ERFE: variants seen among roughly 807,000 people sequenced by gnomAD.
ERFE encodes erythroferrone, also known as complement C1q tumor necrosis factor-related protein 15.
ERFE carries 25 observed loss-of-function variants against 26.6 expected under a neutral mutation model. The observed-to-expected ratio is 0.94, with a 90% CI of 0.69 to 1.31. The LOEUF is 1.31. Among genes scored for constraint, ERFE ranks in the 40% most tolerant of loss-of-function variants. The pLI, the probability that ERFE is intolerant of heterozygous loss-of-function variation, is 0.00. For synonymous variants in ERFE, 206 were observed against 204.5 expected (o/e 1.01, Z -0.06); for missense variants, 447 against 440.2 (o/e 1.02, Z -0.14).
rs759947194 is a variant in ERFE, at chr2:238,164,101, C to G, written c.714C>G (p.Arg238=). Residue 238 remains arginine (R), a synonymous_variant, in exon 5 of 8, where the codon CGC becomes CGG. Transcript: ENST00000546354. The stretch of plus-strand genomic sequence containing the variant: ...CCGACGCCGAGGGTGCCTTCCGCCG[C>G]GGCCCGGGCCTGAACTTGACCAGCG... ...YLPDAEGAFR[R]GPGLNLTSGQ... is the part of the protein sequence containing the mutation. The G allele has an allele frequency of 2.8e-6, 4 of 1,433,068 alleles. No individual in the cohort carries two copies. Among genetic ancestry groups the G allele is most frequent in the Middle Eastern group, 2.0e-4 (1 of 5,054 alleles). 88.8% of individuals were successfully genotyped at this position (1,433,068 alleles called of 1,614,324 possible). A position where few individuals can be genotyped will look rare whatever the true frequency, so the allele number is the denominator to read the frequency against.
Position 238,168,569 on chromosome 2 carries a change from T to A in ERFE, c.*1515T>A. 1 of 419,986 alleles carries A rather than the reference T, an allele frequency of 2.4e-6. No individual in the cohort carries two copies. Among genetic ancestry groups the A allele is most frequent in the Non-Finnish European group, 4.9e-6 (1 of 202,574 alleles). The allele number at this position is 419,986 out of a possible 1,614,324, so 26.0% of individuals were successfully genotyped here. On this transcript the variant is annotated 3_prime_UTR_variant, in exon 8 of 8. Transcript: ENST00000546354. ...AAACCCCAACATCGAATCAAACATC[T>A]CCATCCCCAAGTGCAGTAACACACA...
Position 238,163,783 on chromosome 2 carries a change from T to G in ERFE, c.471T>G (p.Cys157Trp), listed in dbSNP as rs938657091. Reference sequence around the variant, plus strand: ...GCGCGGAGCCCGAACCCTGTACGTGTGGCCCCGCCGGGCCGGTCGCTGCGA... The same window carrying G: ...GCGCGGAGCCCGAACCCTGTACGTGGGGCCCCGCCGGGCCGGTCGCTGCGA... ...RERAEPEPCT[C>W]GPAGPVAASL... The change falls in exon 4 of 8, where the codon TGT (cysteine) becomes TGG (tryptophan). Residue 157 changes from cysteine to tryptophan, a missense_variant. Coordinates refer to ENST00000546354, the MANE Select transcript of ERFE (RefSeq NM_001291832.2). 1.5e-6 allele frequency: 2 copies of G among 1,359,026 alleles called. No homozygotes were observed. The highest frequency in any genetic ancestry group is 2.3e-4 in the Middle Eastern group (1 of 4,380). The allele number at this position is 1,359,026 out of a possible 1,614,324, so 84.2% of individuals were successfully genotyped here. A position where few individuals can be genotyped will look rare whatever the true frequency, so the allele number is the denominator to read the frequency against.
intron 3 of ERFE, chr2:238,163,533 C>T: frequency 5.1e-6 from 3 of 589,498 alleles, no homozygotes; most frequent in Non-Finnish European, 7.4e-6. Flanking sequence ...GCCCGAGCTT[C>T]CCAAATCTTG....
rs1693080416 is a variant in ERFE at position 238,168,276 on chromosome 2, G to A, written c.*1222G>A. On this transcript the variant is annotated 3_prime_UTR_variant, in exon 8 of 8. Coordinates refer to ENST00000546354, the MANE Select transcript of ERFE (RefSeq NM_001291832.2). ...TTCCCCAAAGTACAGGACTGTCCCA[G>A]AGTAGGTAGTGAAGAGGACAAGGCC... 4.9e-6 allele frequency: 2 copies of A among 407,618 alleles called. No individual in the cohort carries two copies. The highest frequency in any genetic ancestry group is 1.4e-4 in the East Asian group (2 of 13,992). 25.3% of individuals were successfully genotyped at this position (407,618 alleles called of 1,614,324 possible). A position where few individuals can be genotyped will look rare whatever the true frequency, so the allele number is the denominator to read the frequency against.
Position 238,167,319 on chromosome 2 carries a change from G to T in ERFE, c.*265G>T, listed in dbSNP as rs1303411004. 1.5e-6 allele frequency: 1 copy of T among 677,768 alleles called. No individual in the cohort carries two copies. Among genetic ancestry groups the T allele is most frequent in the Non-Finnish European group, 2.7e-6 (1 of 369,198 alleles). The allele number at this position is 677,768 out of a possible 1,614,324, so 42.0% of individuals were successfully genotyped here. A position where few individuals can be genotyped will look rare whatever the true frequency, so the allele number is the denominator to read the frequency against. On this transcript the variant is annotated 3_prime_UTR_variant, in exon 8 of 8. Transcript: ENST00000546354. Reference sequence around the variant, plus strand: ...AAAGAAAGAGTCGGCGTGCCTGGGGGCACCTGCTAGTCTCCAGCTGCAGGC... The same window carrying T: ...AAAGAAAGAGTCGGCGTGCCTGGGGTCACCTGCTAGTCTCCAGCTGCAGGC...
rs1693068339 is a variant in ERFE, at chr2:238,167,732, A to G, written c.*678A>G. 6.5e-6 allele frequency: 2 copies of G among 309,586 alleles called. No individual in the cohort carries two copies. Among genetic ancestry groups the G allele is most frequent in the African/African-American group, 2.2e-5 (1 of 46,136 alleles). 19.2% of individuals were successfully genotyped at this position (309,586 alleles called of 1,614,324 possible). On this transcript the variant is annotated 3_prime_UTR_variant, in exon 8 of 8. Coordinates refer to ENST00000546354, the MANE Select transcript of ERFE (RefSeq NM_001291832.2). ...CCCAGCTTCTAGTTCTAATGTGTGC[A>G]AGATTAACTCACAAATTCACCTCAG...
chr2:238,161,846 CAG>C, intron 2 of ERFE, 130 bp downstream of exon 2: 1 of 1,294,342 alleles, frequency 7.7e-7, no homozygotes, highest in Non-Finnish European at 1.0e-6. Context: ...GGACAGAGAA[CAG>C]AGAGAACCCA....
intron 2 of ERFE, among the ~76,000 whole-genome samples, chr2:238,162,236 C>G (rs537105945): frequency 6.6e-6 from 1 of 152,356 alleles, no homozygotes; most frequent in East Asian, 1.9e-4. Flanking sequence ...AAGGCCAGCT[C>G]GGAGTGCATG....
chr2:238,164,103 G>C lies in ERFE; in HGVS notation c.716G>C (p.Gly239Ala). 1 of 1,437,548 alleles carries C rather than the reference G, an allele frequency of 7.0e-7. No homozygotes were observed. Among genetic ancestry groups the C allele is most frequent in the Non-Finnish European group, 9.1e-7 (1 of 1,098,562 alleles). The allele number at this position is 1,437,548 out of a possible 1,614,324, so 89.0% of individuals were successfully genotyped here. The change falls in exon 5 of 8, where the codon GGC becomes GCC. Residue 239 changes from glycine (G) to alanine (A), a missense_variant. By Grantham distance (60) the Gly-to-Ala change is moderately conservative. Transcript: ENST00000546354. ...GACGCCGAGGGTGCCTTCCGCCGCG[G>C]CCCGGGCCTGAACTTGACCAGCGGC... Reference protein sequence around the residue: ...LPDAEGAFRRGPGLNLTSGQY... With the variant: ...LPDAEGAFRRAPGLNLTSGQY...
intron 1 of ERFE, among the ~76,000 whole-genome samples, chr2:238,160,159 G>A (rs1692916347): frequency 6.6e-6 from 1 of 152,206 alleles, no homozygotes; most frequent in South Asian, 2.1e-4. Context: ...TGGAGTTTTG[G>A]CCTTGGACCC....
Position 238,166,974 on chromosome 2 carries a change from G to A in ERFE, c.985G>A (p.Val329Met), listed in dbSNP as rs770547903. The change falls in exon 8 of 8, where the codon GTG becomes ATG. Residue 329 changes from valine (V) to methionine (M), a missense_variant. Val to Met is a conservative substitution (Grantham distance 21). Coordinates refer to ENST00000546354, the MANE Select transcript of ERFE (RefSeq NM_001291832.2). ...LYLQMGQWTS[V>M]FLDNASGCSL... ...CTTGCAGATGGGGCAGTGGACCTCC[G>A]TGTTCTTGGACAACGCCAGCGGCTG... 36 of 1,550,406 alleles carry A rather than the reference G, an allele frequency of 2.3e-5. 1 individual carries two copies. The Middle Eastern group carries it at 1.2e-3, about 50-fold the overall frequency.
intron 2 of ERFE, among the ~76,000 whole-genome samples, chr2:238,162,357 G>A (rs1193751483): frequency 7.2e-5 from 11 of 152,330 alleles, no homozygotes; most frequent in East Asian, 1.9e-4. Flanking sequence ...CTTCTGGTTC[G>A]GGTCCCAACC....
At chr2:238,161,569 C>A (rs1200895686) in intron 1 of ERFE, 25 bp from the exon 2 acceptor site, 2 of 1,511,008 alleles carry the variant, frequency 1.3e-6, no homozygotes, top group South Asian at 1.2e-5. Flanking sequence ...AGGCCAACCG[C>A]CCTGCTGGGC....
At position 238,161,611 on chromosome 2, in the gene ERFE, T is replaced by C; in HGVS notation, c.216T>C (p.Arg72=). 6 of 1,542,538 alleles carry C rather than the reference T, an allele frequency of 3.9e-6. No homozygotes were observed. The highest frequency in any genetic ancestry group is 5.3e-6 in the Non-Finnish European group (6 of 1,140,738). The stretch of plus-strand genomic sequence containing the variant: ...TGTTCCAGGAGCCCACCGCTGAGCG[T>C]GCACACAGCGTCGACCCCCGGGACG... ...AARPPEPTAE[R]AHSVDPRDAW... Residue 72 remains arginine, a synonymous_variant, in exon 2 of 8, where the codon CGT becomes CGC. Transcript: ENST00000546354.
intron 2 of ERFE, among the ~76,000 whole-genome samples, 170 bp from the exon 3 acceptor site, chr2:238,162,566 T>C (rs970742326): frequency 2.6e-5 from 4 of 152,200 alleles, no homozygotes; most frequent in Non-Finnish European, 2.9e-5. Flanking sequence ...TCCAGCACAG[T>C]CCTTGTACTC....
chr2:238,167,564 C>T lies in ERFE; in HGVS notation c.*510C>T, dbSNP rs1276785029. The T allele has an allele frequency of 2.5e-6, 1 of 398,142 alleles. No individual in the cohort carries two copies. Among genetic ancestry groups the T allele is most frequent in the Non-Finnish European group, 5.0e-6 (1 of 198,590 alleles). The allele number at this position is 398,142 out of a possible 1,614,324, so 24.7% of individuals were successfully genotyped here. On this transcript the variant is annotated 3_prime_UTR_variant, in exon 8 of 8. Coordinates refer to ENST00000546354, the MANE Select transcript of ERFE (RefSeq NM_001291832.2). ...TGCTTAGAAGGGACGGGGTCACTCA[C>T]CACTCCCCTGGTCTCCATCTGGGCT...
At chr2:238,159,304 C>G in intron 1 of ERFE, 99 bp downstream of exon 1, 1 of 166,710 alleles carries the variant, frequency 6.0e-6, no homozygotes, top group Non-Finnish European at 1.3e-5. Flanking sequence ...CCCTCACCCC[C>G]GAGGGCTGCT....
In ERFE at chr2:238,164,180, G is replaced by A. The variant is rs1692992166; in HGVS notation, c.793G>A (p.Val265Met). ...CTACGCTCTCGCCGCCACGCTGCAC[G>A]TGGGTGAGGCCCGGGGCGTGGGAGG... is the stretch of plus-strand genomic sequence containing the variant. ...GFYALAATLH[V>M]ALGEPPRRGP... The change falls in exon 5 of 8, where the codon GTG becomes ATG. Residue 265 changes from valine to methionine, a missense_variant. By Grantham distance (21) the Val-to-Met change is conservative (BLOSUM62 1). Transcript: ENST00000546354. 1 of 1,438,018 alleles carries A rather than the reference G, an allele frequency of 7.0e-7. No individual in the cohort carries two copies. Among genetic ancestry groups the A allele is most frequent in the African/African-American group, 1.5e-5 (1 of 66,974 alleles). The allele number at this position is 1,438,018 out of a possible 1,614,324, so 89.1% of individuals were successfully genotyped here.
At chr2:238,162,070 C>A (rs546845530) in intron 2 of ERFE, among the ~76,000 whole-genome samples, 3 of 152,224 alleles carry the variant, frequency 2.0e-5, no homozygotes, top group Non-Finnish European at 4.4e-5. Context: ...TCCCTCTCAC[C>A]CTCACTCAGC....
Sources: gnomAD v4.1 joint callset for allele counts (sites outside exome capture counted in the v4.1 genomes callset) on GRCh38, gnomAD v4.1.1 for gene constraint, MANE v1.5 for transcripts, NCBI Gene and HGNC (gene_info 2026-07-23, HGNC 2026-07-21) for gene names.